PGAP4: variants seen among roughly 807,000 people sequenced by gnomAD.
PGAP4 encodes the protein post-GPI attachment to proteins GalNAc transferase 4.
Under a neutral mutation model 28.2 loss-of-function variants are expected in PGAP4, and 12 were observed. That is an observed-to-expected ratio of 0.42 (90% CI 0.27 to 0.69). PGAP4 has a LOEUF of 0.69. PGAP4 is among the 30% of genes least tolerant of loss of function. PGAP4 has a pLI of 0.22. For missense variants in PGAP4, 425 were observed against 513.5 expected, an observed-to-expected ratio of 0.83 and a Z score of 1.67; for synonymous variants, 205 against 211.8, an observed-to-expected ratio of 0.97 and a Z score of 0.28.
upstream of PGAP4, among the ~76,000 whole-genome samples, chr9:101,488,887 T>A (rs1402409514): frequency 6.6e-6 from 1 of 152,158 alleles, no homozygotes; most frequent in Non-Finnish European, 1.5e-5. Context: ...AGAGTAAGGA[T>A]TCAGCTATGA....
chr9:101,495,250 T>A lies in PGAP4; in HGVS notation c.-164-6050A>T, dbSNP rs7870833. 3.8e-3 allele frequency among the ~76,000 whole-genome samples: 68 copies of A among 17,754 alleles called. 1 individual carries two copies. The highest frequency in any genetic ancestry group is 0.014 in the African/African-American group (58 of 4,046). The allele number at this position is 17,754 out of a possible 152,430, so 11.6% of individuals were successfully genotyped here. ...ATATATATTTTATATATAATATATATTATATAGTTTATATATTTTATATAT... is the reference window on the plus strand; with the variant it reads ...ATATATATTTTATATATAATATATAATATATAGTTTATATATTTTATATAT... On this transcript the variant is annotated intron_variant, in intron 2 of 3. Transcript: ENST00000374851.
At chr9:101,516,504 A>G (rs563381865) in intron 2 of PGAP4, among the ~76,000 whole-genome samples, 4 of 152,264 alleles carry the variant, frequency 2.6e-5, no homozygotes, top group South Asian at 2.1e-4. Context: ...TTGCCAAATG[A>G]TTGGAATTGT....
chr9:101,524,747 A>G (rs1205356138), intron 2 of PGAP4, among the ~76,000 whole-genome samples: 4 of 152,188 alleles, frequency 2.6e-5, no homozygotes, highest in Admixed American at 2.0e-4. Flanking sequence ...CAGCTTCTTC[A>G]GTGAGGGTAT....
At chr9:101,529,041 C>T (rs992474334) in intron 2 of PGAP4, among the ~76,000 whole-genome samples, 6 of 151,642 alleles carry the variant, frequency 4.0e-5, no homozygotes, top group South Asian at 2.1e-4. Context: ...TGAGTACGTG[C>T]GGTTGTCTGT....
At chr9:101,518,699 AT>A (rs1347710029) in intron 2 of PGAP4, among the ~76,000 whole-genome samples, 1 of 152,044 alleles carries the variant, frequency 6.6e-6, no homozygotes, top group African/African-American at 2.4e-5. Flanking sequence ...ACCATAATTT[AT>A]TTATCCACTC....
At chr9:101,478,919 C>T (rs532220240) in intron 1 of PGAP4, among the ~76,000 whole-genome samples, 2 of 152,280 alleles carry the variant, frequency 1.3e-5, no homozygotes, top group East Asian at 1.9e-4. Flanking sequence ...CCTACTCTGC[C>T]CTCTACAGTT....
chr9:101,483,824 C>A (rs1376835952), intron 1 of PGAP4, among the ~76,000 whole-genome samples: 1 of 152,096 alleles, frequency 6.6e-6, no homozygotes, highest in Non-Finnish European at 1.5e-5. Context: ...AATATACACA[C>A]ATACTACAAA....
intron 2 of PGAP4, among the ~76,000 whole-genome samples, chr9:101,517,156 A>G (rs1232942798): frequency 2.0e-5 from 3 of 152,190 alleles, no homozygotes; most frequent in Non-Finnish European, 2.9e-5. Context: ...CTGTTTGTAT[A>G]TAAGATTTCA....
intron 2 of PGAP4, among the ~76,000 whole-genome samples, chr9:101,509,290 T>C (rs1324703106): frequency 6.6e-6 from 1 of 152,144 alleles, no homozygotes; most frequent in Non-Finnish European, 1.5e-5. Flanking sequence ...AATCCCCACG[T>C]TCACTAGTGG....
At chr9:101,482,577 C>G (rs1826518855) in intron 1 of PGAP4, among the ~76,000 whole-genome samples, 1 of 152,212 alleles carries the variant, frequency 6.6e-6, no homozygotes, top group Non-Finnish European at 1.5e-5. Flanking sequence ...TTCTGTAAAA[C>G]TATTCAATGA....
chr9:101,477,311 A>T, intron 1 of PGAP4, 142 bp from the exon 2 acceptor site: 1 of 509,736 alleles, frequency 2.0e-6, no homozygotes, highest in Non-Finnish European at 3.2e-6. Context: ...GCTTCTACAG[A>T]CTCTAAAGTA....
chr9:101,488,861 G>C (rs1293051398), upstream of PGAP4, among the ~76,000 whole-genome samples: 1 of 152,162 alleles, frequency 6.6e-6, no homozygotes, highest in East Asian at 1.9e-4. Context: ...AGTTCTATGA[G>C]ATAGTGCTTT....
At chr9:101,518,196 G>A (rs1201461154) in intron 2 of PGAP4, among the ~76,000 whole-genome samples, 1 of 152,124 alleles carries the variant, frequency 6.6e-6, no homozygotes, top group Admixed American at 6.5e-5. Flanking sequence ...CACCCATATT[G>A]CTGCAAAGGA....
intron 2 of PGAP4, among the ~76,000 whole-genome samples, chr9:101,517,393 A>G (rs1826951859): frequency 6.6e-6 from 1 of 152,214 alleles, no homozygotes; most frequent in Admixed American, 6.6e-5. Flanking sequence ...ATAAAATTAA[A>G]TATCTAGATT....
At chr9:101,530,396 AT>A (rs1207882827) in intron 2 of PGAP4, among the ~76,000 whole-genome samples, 1 of 152,228 alleles carries the variant, frequency 6.6e-6, no homozygotes, top group Non-Finnish European at 1.5e-5. Context: ...GAAAAAAAAA[AT>A]CACTTAAAAT....
intron 2 of PGAP4, among the ~76,000 whole-genome samples, chr9:101,522,643 A>G (rs1208101602): frequency 2.0e-5 from 3 of 152,158 alleles, no homozygotes; most frequent in African/African-American, 7.2e-5. Flanking sequence ...GGCAGCAGAT[A>G]GTTGGTTGGT....
At chr9:101,517,991 A>G (rs1334540921) in intron 2 of PGAP4, among the ~76,000 whole-genome samples, 2 of 152,150 alleles carry the variant, frequency 1.3e-5, no homozygotes, top group Admixed American at 1.3e-4. Flanking sequence ...TCACCCAGGC[A>G]GTGAGCACAG....
intron 2 of PGAP4, among the ~76,000 whole-genome samples, chr9:101,516,878 T>A (rs976478103): frequency 5.3e-5 from 8 of 152,322 alleles, no homozygotes; most frequent in African/African-American, 1.9e-4. Flanking sequence ...CTACATGCTT[T>A]GCTCTTGTCA....
intron 2 of PGAP4, among the ~76,000 whole-genome samples, chr9:101,495,136 A>C (rs1453345353): frequency 8.3e-6 from 1 of 120,572 alleles, no homozygotes; most frequent in East Asian, 2.2e-4. Context: ...TACTATTTCT[A>C]TAAGATTTTA....
Sources: gnomAD v4.1 joint callset for allele counts (sites outside exome capture counted in the v4.1 genomes callset) on GRCh38, gnomAD v4.1.1 for gene constraint, MANE v1.5 for transcripts, NCBI Gene and HGNC (gene_info 2026-07-23, HGNC 2026-07-21) for gene names.